TRPM3: variants seen among roughly 807,000 people sequenced by gnomAD.
The protein encoded by TRPM3 is transient receptor potential cation channel subfamily M member 3.
TRPM3 carries 77 observed loss-of-function variants against 181.2 expected under a neutral mutation model. The observed-to-expected ratio is 0.42, with a 90% CI of 0.35 to 0.51. The LOEUF (loss-of-function observed/expected upper bound fraction) is 0.51, where lower values mean the gene tolerates loss of function less well. Ranked by LOEUF, TRPM3 falls within the 20% of genes least tolerant of loss-of-function variation. TRPM3 has a pLI of 0.01. For synonymous variants in TRPM3, 745 were observed against 796.4 expected, an observed-to-expected ratio of 0.94 and a Z score of 1.09; for missense variants, 1,759 against 2,196.7, an observed-to-expected ratio of 0.80 and a Z score of 3.98.
At chr9:71,124,742 T>C (rs1416293154), upstream of TRPM3, among the ~76,000 whole-genome samples, 2 of 152,132 alleles carry the variant, frequency 1.3e-5, no homozygotes, top group African/African-American at 4.8e-5. Context: ...ACCCTCAATA[T>C]AGTATTGTAC....
intron 1 of TRPM3, among the ~76,000 whole-genome samples, chr9:71,225,715 T>C (rs940717774): frequency 6.6e-6 from 1 of 152,100 alleles, no homozygotes; most frequent in Non-Finnish European, 1.5e-5. Flanking sequence ...TGGAATGCAG[T>C]GGCACCATCT....
intron 1 of TRPM3, among the ~76,000 whole-genome samples, chr9:70,974,294 C>T (rs573394893): frequency 6.6e-6 from 1 of 152,174 alleles, no homozygotes; most frequent in East Asian, 1.9e-4. Flanking sequence ...AATACCAACA[C>T]GTTGGCAGGT....
chr9:70,951,094 TCTA>T (rs2096993120), intron 1 of TRPM3, among the ~76,000 whole-genome samples: 1 of 152,154 alleles, frequency 6.6e-6, no homozygotes, highest in African/African-American at 2.4e-5. Context: ...GTGACAGAAT[TCTA>T]TTATTATGTA....
At chr9:71,076,712 G>A (rs1489228189) in intron 1 of TRPM3, among the ~76,000 whole-genome samples, 2 of 152,146 alleles carry the variant, frequency 1.3e-5, no homozygotes, top group Non-Finnish European at 2.9e-5. Flanking sequence ...TCTATATAGG[G>A]TTCTCAATAT....
chr9:70,881,186 T>C (rs1484205571), intron 1 of TRPM3, among the ~76,000 whole-genome samples: 1 of 152,154 alleles, frequency 6.6e-6, no homozygotes, highest in Non-Finnish European at 1.5e-5. Context: ...CTTATGAGTA[T>C]CATGTGAGGA....
intron 1 of TRPM3, among the ~76,000 whole-genome samples, chr9:71,360,903 T>C (rs1197778381): frequency 1.3e-5 from 2 of 152,192 alleles, no homozygotes; most frequent in Non-Finnish European, 2.9e-5. Context: ...AACGTTGAAT[T>C]TGTAGAAGTG....
intron 1 of TRPM3, among the ~76,000 whole-genome samples, chr9:71,360,483 T>C (rs1237526083): frequency 1.3e-5 from 2 of 152,192 alleles, no homozygotes; most frequent in Non-Finnish European, 2.9e-5. Flanking sequence ...CACAAGGCAC[T>C]AGATTAGGTA....
At chr9:71,373,403 A>G (rs973484260) in intron 1 of TRPM3, among the ~76,000 whole-genome samples, 8 of 152,106 alleles carry the variant, frequency 5.3e-5, no homozygotes, top group Non-Finnish European at 8.8e-5. Context: ...AGAACATGAG[A>G]GAGAAGAATC....
chr9:70,662,694 C>G (rs2061303375), intron 9 of TRPM3, among the ~76,000 whole-genome samples: 1 of 152,148 alleles, frequency 6.6e-6, no homozygotes, highest in Non-Finnish European at 1.5e-5. Flanking sequence ...CAGTGAGACA[C>G]CAGCTTACTC....
chr9:70,848,140 G>C (rs922853743), intron 3 of TRPM3, among the ~76,000 whole-genome samples: 2 of 152,044 alleles, frequency 1.3e-5, no homozygotes, highest in African/African-American at 4.8e-5. Context: ...GAGTATAAGA[G>C]TCAGGAGTAA....
intron 1 of TRPM3, among the ~76,000 whole-genome samples, chr9:71,023,048 G>T (rs1305472624): frequency 1.3e-5 from 2 of 151,930 alleles, no homozygotes; most frequent in Non-Finnish European, 2.9e-5. Context: ...ACCCTGTGAA[G>T]AAGCTATAAA....
At chr9:71,355,834 T>C (rs573120668) in intron 1 of TRPM3, among the ~76,000 whole-genome samples, 21 of 109,752 alleles carry the variant, frequency 1.9e-4, no homozygotes, top group Middle Eastern at 5.1e-3. Context: ...AAACACAAAA[T>C]ATTCCATTTT....
chr9:71,250,533 T>A (rs1367530950), intron 1 of TRPM3, among the ~76,000 whole-genome samples: 2 of 152,212 alleles, frequency 1.3e-5, no homozygotes, highest in East Asian at 3.9e-4. Flanking sequence ...AGTATTGGTT[T>A]ACTCATTTGA....
chr9:70,848,807 C>T (rs560191709), intron 3 of TRPM3, among the ~76,000 whole-genome samples: 629 of 53,274 alleles, frequency 0.012, 38 homozygotes, highest in South Asian at 0.031. Flanking sequence ...GAAACCCCGT[C>T]TCTACTAAAA....
At chr9:71,027,030 C>A (rs2056632606) in intron 1 of TRPM3, among the ~76,000 whole-genome samples, 1 of 152,154 alleles carries the variant, frequency 6.6e-6, no homozygotes, top group Admixed American at 6.5e-5. Context: ...CTGCTGCCAC[C>A]ACCCTATGAA....
chr9:70,843,054 A>C lies in TRPM3; in HGVS notation c.750T>G (p.Gly250=), dbSNP rs777504497. Residue 250 remains glycine (G), a synonymous_variant, in exon 5 of 26, where the codon GGT becomes GGG. Transcript: ENST00000677713. ...SKSRGKICTI[G]IAPWGIVENQ... is the part of the protein sequence containing the mutation. ...TTTCCACAATTCCCCAGGGGGCAAT[A>C]CCTATGGTGCATATCTTTCCTCGAG... The C allele has an allele frequency of 1.2e-6, 2 of 1,613,720 alleles. No homozygotes were observed. The highest frequency in any genetic ancestry group is 4.5e-5 in the East Asian group (2 of 44,872).
chr9:71,066,473 G>A (rs1020036491), intron 1 of TRPM3, among the ~76,000 whole-genome samples: 39 of 152,114 alleles, frequency 2.6e-4, no homozygotes, highest in African/African-American at 7.5e-4. Flanking sequence ...AGGTCTTCCC[G>A]GTCATAAATA....
In TRPM3 at chr9:70,917,340, G is replaced by A. The variant is rs2096607483; in HGVS notation, c.178-52829C>T. 1.6e-5 allele frequency: 19 copies of A among 1,155,608 alleles called. 1 individual carries two copies. The South Asian group carries it at 2.3e-4, about 14-fold the overall frequency. The allele number at this position is 1,155,608 out of a possible 1,614,324, so 71.6% of individuals were successfully genotyped here. A position where few individuals can be genotyped will look rare whatever the true frequency, so the allele number is the denominator to read the frequency against. On this transcript the variant is annotated intron_variant, in intron 1 of 25. Transcript: ENST00000677713. The stretch of plus-strand genomic sequence containing the variant: ...TCATGAAATATTGCTCCAGAATATG[G>A]AGATACTCCCAAGTCCAAGAGTGAA...
chr9:71,031,699 A>C (rs1294450879), intron 1 of TRPM3, among the ~76,000 whole-genome samples: 1 of 151,478 alleles, frequency 6.6e-6, no homozygotes, highest in East Asian at 1.9e-4. Context: ...TTCCCTTTTT[A>C]TATGTAAAAA....
Sources: allele counts gnomAD v4.1 joint callset (sites outside exome capture counted in the v4.1 genomes callset), GRCh38; gene constraint gnomAD v4.1.1; transcripts MANE v1.5; gene names NCBI Gene and HGNC (gene_info 2026-07-23, HGNC 2026-07-21).